FER: variants seen among roughly 807,000 people sequenced by gnomAD.
The protein encoded by FER is FER tyrosine kinase, also known as tyrosine-protein kinase Fer.
A neutral mutation model predicts 111.0 loss-of-function variants in FER; 63 were observed. The ratio of observed to expected loss-of-function variants is 0.57; its 90% CI spans 0.46 to 0.70. FER has a LOEUF of 0.70. Ranked by LOEUF, FER falls within the 30% of genes least tolerant of loss-of-function variation. The pLI, the probability that FER is intolerant of heterozygous loss-of-function variation, is 0.00. For missense variants in FER, 914 were observed against 954.0 expected, an observed-to-expected ratio of 0.96 and a Z score of 0.55; for synonymous variants, 327 against 313.9, an observed-to-expected ratio of 1.04 and a Z score of -0.44.
chr5:108,959,259 A>C lies in FER; in HGVS notation c.1568A>C (p.Asn523Thr). The change falls in exon 13 of 20, where the codon AAC (asparagine) becomes ACC (threonine). Residue 523 changes from asparagine (N) to threonine (T), a missense_variant. By Grantham distance (65) the Asn-to-Thr change is moderately conservative. Coordinates refer to ENST00000281092, the MANE Select transcript of FER (RefSeq NM_005246.4). ...CGATTCGAGGGCACTGGGTTTTCAA[A>C]CATTCCTCAACTTATAGATCATCAC... ...MYRFEGTGFS[N>T]IPQLIDHHYT... 2 of 1,611,758 alleles carry C rather than the reference A, an allele frequency of 1.2e-6. No individual in the cohort carries two copies. Among genetic ancestry groups the C allele is most frequent in the Non-Finnish European group, 1.7e-6 (2 of 1,178,586 alleles).
intron 1 of FER, among the ~76,000 whole-genome samples, chr5:108,749,885 G>A (rs1314845753): frequency 6.6e-6 from 1 of 152,146 alleles, no homozygotes; most frequent in African/African-American, 2.4e-5. Context: ...AACAAATTGA[G>A]GATTGTACTA....
Position 108,845,040 on chromosome 5 carries a change from A to ATG in FER, c.481+9233_481+9234insTG, listed in dbSNP as rs1170783415. On this transcript the variant is annotated intron_variant, in intron 5 of 19. Coordinates refer to ENST00000281092, the MANE Select transcript of FER (RefSeq NM_005246.4). ...TATATATATATATATATATATATAT[A>ATG]CATATATATATATATATATATATAT... Among the ~76,000 whole-genome samples, 7 of 55,014 alleles carry ATG rather than the reference A, an allele frequency of 1.3e-4. 1 individual carries two copies. The highest frequency in any genetic ancestry group is 3.9e-4 in the African/African-American group (6 of 15,500). 36.1% of individuals were successfully genotyped at this position (55,014 alleles called of 152,430 possible).
At chr5:108,895,020 A>T (rs1357025086) in intron 9 of FER, among the ~76,000 whole-genome samples, 1 of 152,160 alleles carries the variant, frequency 6.6e-6, no homozygotes, top group Non-Finnish European at 1.5e-5. Flanking sequence ...GGATTGTTGT[A>T]GTTAGAGAAT....
chr5:108,887,468 C>T (rs1456046319), intron 9 of FER, among the ~76,000 whole-genome samples: 2 of 151,396 alleles, frequency 1.3e-5, no homozygotes, highest in Non-Finnish European at 3.0e-5. Flanking sequence ...AGAGTTCAAG[C>T]TTATATAAGT....
chr5:108,927,323 C>T (rs1753909139), intron 10 of FER, among the ~76,000 whole-genome samples: 1 of 135,862 alleles, frequency 7.4e-6, no homozygotes, highest in South Asian at 2.3e-4. Context: ...TGCAGTGGCG[C>T]AATCTTGGCT....
intron 1 of FER, among the ~76,000 whole-genome samples, chr5:108,760,908 T>A (rs1017061861): frequency 2.0e-5 from 3 of 152,058 alleles, no homozygotes; most frequent in Admixed American, 6.6e-5. Flanking sequence ...GTTCAAGAGG[T>A]TCAGCTTATT....
intron 1 of FER, among the ~76,000 whole-genome samples, chr5:108,762,063 T>G (rs1751816900): frequency 6.6e-6 from 1 of 152,076 alleles, no homozygotes; most frequent in Admixed American, 6.6e-5. Context: ...GGTGTGTGCC[T>G]CCACACCTGG....
chr5:109,165,632 GTGTGTGTA>G (rs1756468347), intron 17 of FER, among the ~76,000 whole-genome samples: 1 of 95,080 alleles, frequency 1.1e-5, no homozygotes, highest in African/African-American at 3.8e-5. Flanking sequence ...GTGTGTGTGT[GTGTGTGTA>G]TACACACATA....
intron 2 of FER, among the ~76,000 whole-genome samples, chr5:108,793,480 C>T (rs1755611239): frequency 7.1e-6 from 1 of 141,036 alleles, no homozygotes; most frequent in Non-Finnish European, 1.5e-5. Flanking sequence ...GTGCAGATAT[C>T]TCTTTGGTAT....
At chr5:108,933,093 T>A (rs1002245515) in intron 10 of FER, among the ~76,000 whole-genome samples, 5 of 152,168 alleles carry the variant, frequency 3.3e-5, no homozygotes, top group Non-Finnish European at 7.4e-5. Flanking sequence ...AGCTCCTTAG[T>A]TTAATTAGAT....
In FER at chr5:108,835,184, A is replaced by ACCC. The variant is rs1337713990; in HGVS notation, c.382-513_382-511dup. 6.2e-3 allele frequency among the ~76,000 whole-genome samples: 180 copies of ACCC among 28,888 alleles called. 10 individuals are homozygous for ACCC. The highest frequency in any genetic ancestry group is 0.01 in the African/African-American group (49 of 4,788). 19.0% of individuals were successfully genotyped at this position (28,888 alleles called of 152,430 possible). A position where few individuals can be genotyped will look rare whatever the true frequency, so the allele number is the denominator to read the frequency against. On this transcript the variant is annotated intron_variant, in intron 4 of 19. Transcript: ENST00000281092. ...GCAGTGTTATTTCTTCGTTTGCGCC[A>ACCC]CCCCCCCCCCCCCACTTTTTTTTTG...
chr5:109,099,967 A>G (rs1481173643), intron 16 of FER, among the ~76,000 whole-genome samples: 3 of 151,738 alleles, frequency 2.0e-5, no homozygotes, highest in Admixed American at 6.6e-5. Flanking sequence ...GCTAATCCAT[A>G]TAATTTACTT....
chr5:109,054,191 A>AT (rs956271495), intron 16 of FER, among the ~76,000 whole-genome samples: 5 of 152,110 alleles, frequency 3.3e-5, no homozygotes, highest in Non-Finnish European at 7.4e-5. Context: ...TGCATGTTAA[A>AT]TTTTTTAAGA....
At chr5:109,096,460 G>T (rs1051953198) in intron 16 of FER, among the ~76,000 whole-genome samples, 15 of 151,822 alleles carry the variant, frequency 9.9e-5, no homozygotes, top group African/African-American at 3.6e-4. Flanking sequence ...GGTGGCTCAG[G>T]CGTGTCACCA....
At chr5:109,135,026 A>G (rs1752743171) in intron 17 of FER, among the ~76,000 whole-genome samples, 1 of 152,288 alleles carries the variant, frequency 6.6e-6, no homozygotes, top group Middle Eastern at 3.4e-3. Context: ...TATTCAAGAA[A>G]AGCATTGCTG....
At chr5:108,860,542 T>TA (rs1763416685) in intron 5 of FER, among the ~76,000 whole-genome samples, 1 of 152,100 alleles carries the variant, frequency 6.6e-6, no homozygotes, top group South Asian at 2.1e-4. Context: ...CCACACTGAG[T>TA]AAAAAAGGTA....
intron 3 of FER, chr5:108,830,534 A>C (rs1759933029): frequency 6.6e-6 from 1 of 152,156 alleles, no homozygotes; most frequent in South Asian, 2.1e-4. Flanking sequence ...CAGTTATATT[A>C]ATTTTTAAAT....
chr5:109,095,125 G>C (rs1219662930), intron 16 of FER, among the ~76,000 whole-genome samples: 1 of 152,098 alleles, frequency 6.6e-6, no homozygotes, highest in Non-Finnish European at 1.5e-5. Flanking sequence ...AGCAGAACAT[G>C]ACCATCGATG....
At chr5:109,156,797 C>T (rs576572358) in intron 17 of FER, among the ~76,000 whole-genome samples, 1 of 152,062 alleles carries the variant, frequency 6.6e-6, no homozygotes, top group East Asian at 1.9e-4. Flanking sequence ...CCTGAGTATG[C>T]ATAGCATGTA....
Sources: gnomAD v4.1 joint callset for allele counts (sites outside exome capture counted in the v4.1 genomes callset) on GRCh38, gnomAD v4.1.1 for gene constraint, MANE v1.5 for transcripts, NCBI Gene and HGNC (gene_info 2026-07-23, HGNC 2026-07-21) for gene names.